PCDH15: variants seen among roughly 807,000 people sequenced by gnomAD.
PCDH15 encodes the protein protocadherin related 15, also known as protocadherin-15.
A neutral mutation model predicts 178.5 loss-of-function variants in PCDH15; 129 were observed. The observed-to-expected ratio is 0.72, with a 90% confidence interval of 0.63 to 0.84. PCDH15 has a LOEUF of 0.84. Ranked by LOEUF, PCDH15 falls within the 40% of genes least tolerant of loss-of-function variation. The probability of loss-of-function intolerance (pLI) is 0.00; values close to 1 mark genes in which losing one functional copy is unlikely to be tolerated. For synonymous variants in PCDH15, 800 were observed against 732.0 expected (o/e 1.09, Z -1.50); for missense variants, 2,230 against 2,099.9 (o/e 1.06, Z -1.21).
chr10:54,325,644 G>A (rs920432645), intron 7 of PCDH15, among the ~76,000 whole-genome samples: 2 of 152,036 alleles, frequency 1.3e-5, no homozygotes, highest in African/African-American at 4.8e-5. Flanking sequence ...AGCTACTCAG[G>A]AGGCTGAGGC....
At chr10:54,467,241 A>G (rs898593384) in intron 3 of PCDH15, among the ~76,000 whole-genome samples, 6 of 151,972 alleles carry the variant, frequency 3.9e-5, no homozygotes, top group African/African-American at 1.4e-4. Context: ...TCCAGTTCTT[A>G]GAGGAATGGC....
At chr10:54,333,149 T>C (rs1005639790) in intron 6 of PCDH15, among the ~76,000 whole-genome samples, 17 of 152,100 alleles carry the variant, frequency 1.1e-4, no homozygotes, top group African/African-American at 3.9e-4. Flanking sequence ...GGTTTTAACA[T>C]GTTGGCCAGT....
Position 54,777,028 on chromosome 10 carries a change from T to C in PCDH15, c.-29+23897A>G, listed in dbSNP as rs11004570. 4.6e-3 allele frequency among the ~76,000 whole-genome samples: 702 copies of C among 152,312 alleles called. 16 individuals are homozygous for C. In the East Asian group the frequency reaches 0.055, roughly 12 times the overall value. ...TATAATGTGAATCCTCTTCTCATTA[T>C]TTTTACTCAAACTTCATTAAAATAT... On this transcript the variant is annotated intron_variant, in intron 1 of 37. Coordinates refer to ENST00000644397, the MANE Select transcript of PCDH15 (RefSeq NM_001384140.1).
intron 2 of PCDH15, among the ~76,000 whole-genome samples, chr10:55,538,494 TTTCCTTCCTTCCTTCTTTCC>T (rs1841649411): frequency 2.6e-5 from 2 of 77,886 alleles, no homozygotes; most frequent in African/African-American, 9.7e-5. Flanking sequence ...TCCTTCCTCC[TTTCCTTCCTTCCTTCTTTCC>T]TTCCTTCCTC....
rs1371222996 is a variant in PCDH15, at chr10:54,582,664, ACACTTTGGGAGGCTAAGGCTGGAGGATTG to A, written c.92-54816_92-54788del. Among the ~76,000 whole-genome samples the A allele has an allele frequency of 8.5e-5, 13 of 152,106 alleles. 1 individual carries two copies. The highest frequency in any genetic ancestry group is 8.5e-4 in the Admixed American group (13 of 15,246). On this transcript the variant is annotated intron_variant, in intron 2 of 37. Coordinates refer to ENST00000644397, the MANE Select transcript of PCDH15 (RefSeq NM_001384140.1). Reference sequence around the variant, plus strand: ...GTGGTGTCTCACTCCCGTAATCACAACACTTTGGGAGGCTAAGGCTGGAGGATTGCTTGAGGCCAAGAGTTCAACTAGCA... The same window carrying A: ...GTGGTGTCTCACTCCCGTAATCACAACTTGAGGCCAAGAGTTCAACTAGCA...
intron 2 of PCDH15, among the ~76,000 whole-genome samples, chr10:54,531,794 A>G (rs1052798267): frequency 6.6e-6 from 1 of 152,154 alleles, no homozygotes; most frequent in Admixed American, 6.5e-5. Flanking sequence ...ATTTGCCCAG[A>G]CAACTTCTGT....
chr10:54,463,946 A>G (rs557475806), intron 3 of PCDH15, among the ~76,000 whole-genome samples: 1 of 152,314 alleles, frequency 6.6e-6, no homozygotes, highest in East Asian at 1.9e-4. Flanking sequence ...CAAGGCCTGA[A>G]GTGGGAGAAC....
intron 32 of PCDH15, among the ~76,000 whole-genome samples, chr10:53,824,252 A>AAATTAAATGGCTCTAAGGAAAGC (rs1158161408): frequency 2.6e-5 from 4 of 152,124 alleles, no homozygotes; most frequent in African/African-American, 9.7e-5. Context: ...CAAAGATCAC[A>AAATTAAATGGCTCTAAGGAAAGC]AATTAAATGG....
intron 2 of PCDH15, among the ~76,000 whole-genome samples, chr10:54,972,601 C>A (rs541010902): frequency 6.6e-6 from 1 of 151,820 alleles, no homozygotes; most frequent in East Asian, 2.0e-4. Context: ...GTAATCCCAG[C>A]ACTTTTGGGA....
chr10:55,053,571 G>A (rs1453713599), intron 2 of PCDH15, among the ~76,000 whole-genome samples: 1 of 152,180 alleles, frequency 6.6e-6, no homozygotes, highest in Non-Finnish European at 1.5e-5. Flanking sequence ...TAAATGCTGG[G>A]ATCTAACATG....
intron 26 of PCDH15, among the ~76,000 whole-genome samples, chr10:53,900,199 T>C (rs887386407): frequency 2.7e-5 from 4 of 146,298 alleles, no homozygotes; most frequent in Admixed American, 1.4e-4. Context: ...TTTCTCTCTC[T>C]CTCTAAACTT....
intron 1 of PCDH15, among the ~76,000 whole-genome samples, chr10:55,262,082 G>C (rs1045441322): frequency 2.6e-5 from 3 of 116,450 alleles, no homozygotes; most frequent in Non-Finnish European, 3.5e-5. Flanking sequence ...TAAAGGAAAG[G>C]AAAGGAGGAG....
chr10:55,195,499 A>G (rs1840067020), intron 1 of PCDH15, among the ~76,000 whole-genome samples: 1 of 150,738 alleles, frequency 6.6e-6, no homozygotes, highest in African/African-American at 2.4e-5. Flanking sequence ...AAAAAAAAAA[A>G]AAAAAAATTA....
intron 2 of PCDH15, among the ~76,000 whole-genome samples, chr10:55,547,861 G>T (rs1160212110): frequency 2.0e-5 from 3 of 149,430 alleles, no homozygotes; most frequent in Admixed American, 6.7e-5. Context: ...CAGTGAGGAA[G>T]CCCAGGCTAA....
intron 2 of PCDH15, among the ~76,000 whole-genome samples, chr10:55,506,831 C>T (rs959469960): frequency 1.3e-5 from 2 of 151,222 alleles, no homozygotes; most frequent in African/African-American, 4.8e-5. Flanking sequence ...TTTTTTAACC[C>T]CAAATCAAAT....
rs146058609 is a variant in PCDH15, at chr10:54,079,560, T to C, written c.1998-136A>G. 6.9e-4 allele frequency: 562 copies of C among 817,404 alleles called. 3 individuals carry two copies. The African/African-American group carries it at 8.7e-3, about 13-fold the overall frequency. The allele number at this position is 817,404 out of a possible 1,614,324, so 50.6% of individuals were successfully genotyped here. ...TCACAGCTTGAGTATTTTAGATGTA[T>C]AATACTAAGATTCATTCTGAAAATT... On this transcript the variant is annotated intron_variant, in intron 16 of 37. Transcript: ENST00000644397.
At chr10:54,929,503 T>C (rs970335835) in intron 2 of PCDH15, among the ~76,000 whole-genome samples, 2 of 152,208 alleles carry the variant, frequency 1.3e-5, no homozygotes, top group African/African-American at 4.8e-5. Flanking sequence ...TATAGTCACT[T>C]TGGAGATCAT....
intron 2 of PCDH15, among the ~76,000 whole-genome samples, chr10:54,615,596 C>T (rs539578610): frequency 4.8e-4 from 73 of 152,098 alleles, no homozygotes; most frequent in African/African-American, 1.6e-3. Context: ...ACTTGAGACA[C>T]GGAGACAAAT....
At chr10:55,319,136 A>G (rs1843816488) in intron 1 of PCDH15, among the ~76,000 whole-genome samples, 1 of 152,110 alleles carries the variant, frequency 6.6e-6, no homozygotes, top group African/African-American at 2.4e-5. Flanking sequence ...AATTCCCATA[A>G]GCACAGTTCT....
Sources: allele counts gnomAD v4.1 joint callset (sites outside exome capture counted in the v4.1 genomes callset), GRCh38; gene constraint gnomAD v4.1.1; transcripts MANE v1.5; gene names NCBI Gene and HGNC (gene_info 2026-07-23, HGNC 2026-07-21).